The following CTNNA3 variants were observed in gnomAD, a reference collection of about 807,000 sequenced individuals.
CTNNA3 encodes the protein catenin alpha 3.
In CTNNA3, 76 loss-of-function variants were observed where a neutral mutation model predicts 95.7. The ratio of observed to expected loss-of-function variants is 0.79; its 90% CI spans 0.66 to 0.96. The LOEUF is 0.96. Among genes scored for constraint, CTNNA3 ranks in the 40% least tolerant of loss-of-function variants. The pLI, the probability that CTNNA3 is intolerant of heterozygous loss-of-function variation, is 0.00. For synonymous variants in CTNNA3, 431 were observed against 374.4 expected, an observed-to-expected ratio of 1.15 and a Z score of -1.74; for missense variants, 1,191 against 1,089.8, an observed-to-expected ratio of 1.09 and a Z score of -1.31.
At chr10:66,827,251 T>G (rs1199137869) in intron 7 of CTNNA3, among the ~76,000 whole-genome samples, 1 of 152,200 alleles carries the variant, frequency 6.6e-6, no homozygotes, top group Non-Finnish European at 1.5e-5. Context: ...TTGTTTTAAC[T>G]TGTCCTGCTG....
intron 7 of CTNNA3, among the ~76,000 whole-genome samples, chr10:67,056,888 G>GAGCAAGGAT (rs1289022249): frequency 1.3e-5 from 2 of 152,202 alleles, no homozygotes; most frequent in Non-Finnish European, 2.9e-5. Flanking sequence ...TCAAGTGAGA[G>GAGCAAGGAT]AGCAAGGATT....
At chr10:65,957,488 T>C (rs538392882) in intron 17 of CTNNA3, among the ~76,000 whole-genome samples, 1 of 152,256 alleles carries the variant, frequency 6.6e-6, no homozygotes, top group Admixed American at 6.5e-5. Context: ...CTAGCCTCGA[T>C]GGTCTTTACA....
At chr10:66,357,678 T>C (rs1287623900) in intron 12 of CTNNA3, among the ~76,000 whole-genome samples, 3 of 152,186 alleles carry the variant, frequency 2.0e-5, no homozygotes, top group African/African-American at 7.2e-5. Context: ...TAATGTAGTA[T>C]GTATCATACT....
chr10:66,306,953 C>T (rs1297363049), intron 12 of CTNNA3, among the ~76,000 whole-genome samples: 1 of 152,116 alleles, frequency 6.6e-6, no homozygotes, highest in Non-Finnish European at 1.5e-5. Context: ...TCTTTCTGGA[C>T]CCTAAATTAC....
intron 13 of CTNNA3, among the ~76,000 whole-genome samples, chr10:66,152,991 T>C (rs1272458849): frequency 1.3e-5 from 2 of 151,966 alleles, no homozygotes; most frequent in Non-Finnish European, 1.5e-5. Flanking sequence ...TATTATCTCA[T>C]AGACAACTTG....
intron 8 of CTNNA3, among the ~76,000 whole-genome samples, chr10:66,774,567 C>A (rs1840218797): frequency 2.6e-5 from 1 of 38,530 alleles, no homozygotes; most frequent in African/African-American, 2.0e-4. Context: ...GGCTGGAGAT[C>A]TCTATTCCAT....
At chr10:66,245,570 G>A (rs1340137584) in intron 13 of CTNNA3, among the ~76,000 whole-genome samples, 1 of 152,208 alleles carries the variant, frequency 6.6e-6, no homozygotes, top group African/African-American at 2.4e-5. Flanking sequence ...ACAGCTCACA[G>A]AAGTCCCACA....
intron 9 of CTNNA3, among the ~76,000 whole-genome samples, chr10:66,660,728 C>T (rs959111781): frequency 3.9e-5 from 6 of 152,088 alleles, no homozygotes; most frequent in African/African-American, 1.4e-4. Context: ...CAGGTTTTTG[C>T]TCAAACTCAG....
intron 6 of CTNNA3, among the ~76,000 whole-genome samples, chr10:67,192,202 CA>C (rs1300798152): frequency 1.3e-5 from 2 of 151,846 alleles, no homozygotes; most frequent in Non-Finnish European, 2.9e-5. Flanking sequence ...ACACCAAAAG[CA>C]CATGCAACAA....
At chr10:66,310,103 G>A (rs948350277) in intron 12 of CTNNA3, among the ~76,000 whole-genome samples, 1 of 150,954 alleles carries the variant, frequency 6.6e-6, no homozygotes. Flanking sequence ...GGGCGACAGG[G>A]TGAGACTCCA....
intron 9 of CTNNA3, among the ~76,000 whole-genome samples, chr10:66,628,188 T>C (rs1845005091): frequency 6.6e-5 from 10 of 152,178 alleles, no homozygotes; most frequent in Admixed American, 6.6e-4. Context: ...AATAATAATT[T>C]ATCTCTATCT....
chr10:66,881,892 C>T (rs556499349), intron 7 of CTNNA3, among the ~76,000 whole-genome samples: 115 of 152,170 alleles, frequency 7.6e-4, no homozygotes, highest in African/African-American at 2.5e-3. Context: ...AGGTAATGTA[C>T]GATGACAAAC....
intron 16 of CTNNA3, among the ~76,000 whole-genome samples, chr10:65,970,178 G>A (rs2133267416): frequency 6.6e-6 from 1 of 152,152 alleles, no homozygotes; most frequent in African/African-American, 2.4e-5. Context: ...ACCAGGCTAA[G>A]CTTTATCACT....
rs560385099 is a variant in CTNNA3 at position 66,469,000 on chromosome 10, A to C, written c.1531+51617T>G. 3.1e-3 allele frequency among the ~76,000 whole-genome samples: 478 copies of C among 152,078 alleles called. 2 individuals are homozygous for C. Among genetic ancestry groups the C allele is most frequent in the African/African-American group, 0.011 (463 of 41,540 alleles). On this transcript the variant is annotated intron_variant, in intron 11 of 17. Coordinates refer to ENST00000433211, the MANE Select transcript of CTNNA3 (RefSeq NM_013266.4). ...AACTTTAAAAAATAAATAAAACAGTAAAAAAGAAATATAAATGAAAGGAGA... is the reference window on the plus strand; with the variant it reads ...AACTTTAAAAAATAAATAAAACAGTCAAAAAGAAATATAAATGAAAGGAGA...
intron 7 of CTNNA3, among the ~76,000 whole-genome samples, chr10:67,045,676 G>C (rs1032018643): frequency 6.6e-6 from 1 of 152,152 alleles, no homozygotes; most frequent in South Asian, 2.1e-4. Flanking sequence ...GTCCTGGCGC[G>C]GGATGGGGCG....
At chr10:67,734,178 G>A (rs1389361835) in intron 1 of CTNNA3, among the ~76,000 whole-genome samples, 1 of 151,912 alleles carries the variant, frequency 6.6e-6, no homozygotes, top group East Asian at 1.9e-4. Context: ...CATAACTTCT[G>A]TTCAAATATT....
chr10:67,129,937 TGACTA>T (rs1490482193), intron 7 of CTNNA3, among the ~76,000 whole-genome samples: 6 of 152,022 alleles, frequency 3.9e-5, no homozygotes, highest in African/African-American at 1.2e-4. Flanking sequence ...AAATAAATCT[TGACTA>T]GAAGAGAGTT....
chr10:66,389,757 GAGAT>G (rs2092921911), intron 11 of CTNNA3, among the ~76,000 whole-genome samples: 1 of 146,072 alleles, frequency 6.8e-6, no homozygotes, highest in African/African-American at 2.6e-5. Context: ...GAGAGAGAGA[GAGAT>G]AAGGTCTCCT....
intron 7 of CTNNA3, among the ~76,000 whole-genome samples, chr10:67,087,012 A>C (rs1318654969): frequency 3.3e-5 from 5 of 152,004 alleles, no homozygotes; most frequent in African/African-American, 1.2e-4. Context: ...ACCTCATTGC[A>C]CCACAGTATG....
Sources: gnomAD v4.1 joint callset for allele counts (sites outside exome capture counted in the v4.1 genomes callset) on GRCh38, gnomAD v4.1.1 for gene constraint, MANE v1.5 for transcripts, NCBI Gene and HGNC (gene_info 2026-07-23, HGNC 2026-07-21) for gene names.